The following ZDHHC11B variants were observed in gnomAD, a reference collection of about 807,000 sequenced individuals.
The protein encoded by ZDHHC11B is probable palmitoyltransferase ZDHHC11B.
In ZDHHC11B, 17 loss-of-function variants were observed where a neutral mutation model predicts 42.3. The ratio of observed to expected loss-of-function variants is 0.40; its 90% CI spans 0.27 to 0.60. ZDHHC11B has a LOEUF of 0.60. ZDHHC11B is among the 20% of genes least tolerant of loss of function. The probability of loss-of-function intolerance (pLI) is 0.41; values close to 1 mark genes in which losing one functional copy is unlikely to be tolerated. For missense variants in ZDHHC11B, 262 were observed against 463.2 expected, an observed-to-expected ratio of 0.57 and a Z score of 3.99; for synonymous variants, 123 against 193.5, an observed-to-expected ratio of 0.64 and a Z score of 3.02.
intron 1 of ZDHHC11B, among the ~76,000 whole-genome samples, chr5:784,368 C>T (rs569523987): frequency 6.6e-6 from 1 of 152,062 alleles, no homozygotes; most frequent in Non-Finnish European, 1.5e-5. Flanking sequence ...AAGGCCAAAG[C>T]GCCAGGCACA....
Position 759,945 on chromosome 5 carries a change from G to A in ZDHHC11B, c.223-3801C>T, listed in dbSNP as rs1340288847. ...GGCCCGAGGGGGTCGCTGAGGTGCA[G>A]GCATGGGGAGTGCAGCCGGGGATGC... is the stretch of plus-strand genomic sequence containing the variant. On this transcript the variant is annotated intron_variant, in intron 4 of 13. Transcript: ENST00000508859. Among the ~76,000 whole-genome samples, 3 of 151,930 alleles carry A rather than the reference G, an allele frequency of 2.0e-5. 1 individual carries two copies. Among genetic ancestry groups the A allele is most frequent in the Non-Finnish European group, 4.4e-5 (3 of 67,920 alleles).
chr5:745,800 G>A (rs903874695), intron 8 of ZDHHC11B, among the ~76,000 whole-genome samples: 8 of 149,878 alleles, frequency 5.3e-5, no homozygotes, highest in African/African-American at 1.2e-4. Context: ...CCCCACAGTC[G>A]GAGGACCACG....
In ZDHHC11B at chr5:769,613, G is replaced by A. The variant is rs545006453; in HGVS notation, c.-229-683C>T. On this transcript the variant is annotated intron_variant, in intron 1 of 13. Transcript: ENST00000508859. ...CTGCACGTTCCTCACGCGAGCCCGCGAGTGCGTTTCAAACCCAAGTGATCA... is the reference window on the plus strand; with the variant it reads ...CTGCACGTTCCTCACGCGAGCCCGCAAGTGCGTTTCAAACCCAAGTGATCA... 1.2e-4 allele frequency among the ~76,000 whole-genome samples: 18 copies of A among 151,896 alleles called. No individual in the cohort carries two copies. In the East Asian group the frequency reaches 1.9e-3, roughly 16 times the overall value.
intron 12 of ZDHHC11B, among the ~76,000 whole-genome samples, chr5:723,066 G>A (rs1184673429): frequency 6.7e-6 from 1 of 149,278 alleles, no homozygotes; most frequent in Non-Finnish European, 1.5e-5. Flanking sequence ...CGGGGTGCAA[G>A]GACTTGGAAT....
chr5:783,862 G>A (rs866396259), intron 1 of ZDHHC11B, among the ~76,000 whole-genome samples: 10 of 84,172 alleles, frequency 1.2e-4, no homozygotes, highest in South Asian at 4.4e-4. Flanking sequence ...AGCCCCCCAA[G>A]CCCCATCAAG....
chr5:765,749 C>A (rs1159289453), intron 4 of ZDHHC11B, among the ~76,000 whole-genome samples: 5 of 151,898 alleles, frequency 3.3e-5, no homozygotes, highest in Non-Finnish European at 2.9e-5. Flanking sequence ...ACCAGGGATA[C>A]CCCAAACCAC....
rs1741373816 is a variant in ZDHHC11B, at chr5:711,544, A to AACTGTGCTCTCATTTCCTAGC, written c.*725_*745dup. 4 of 83,112 alleles carry AACTGTGCTCTCATTTCCTAGC rather than the reference A, an allele frequency of 4.8e-5. No homozygotes were observed. Among genetic ancestry groups the AACTGTGCTCTCATTTCCTAGC allele is most frequent in the Non-Finnish European group, 7.4e-5 (3 of 40,546 alleles). 5.1% of individuals were successfully genotyped at this position (83,112 alleles called of 1,614,324 possible). A position where few individuals can be genotyped will look rare whatever the true frequency, so the allele number is the denominator to read the frequency against. On this transcript the variant is annotated 3_prime_UTR_variant, in exon 14 of 14. Transcript: ENST00000508859. ...CCAGTACTGTGCTCCCATTTCCCAAAACTGTGCTCTCATTTCCTAGCACTG... is the reference window on the plus strand; with the variant it reads ...CCAGTACTGTGCTCCCATTTCCCAAAACTGTGCTCTCATTTCCTAGCACTGTGCTCTCATTTCCTAGCACTG...
chr5:778,370 G>A (rs1265191109), intron 1 of ZDHHC11B, among the ~76,000 whole-genome samples: 17 of 151,010 alleles, frequency 1.1e-4, no homozygotes, highest in Non-Finnish European at 2.2e-4. Flanking sequence ...ACTCTCACGC[G>A]GGGCACACCA....
chr5:723,722 C>T (rs1273356339), intron 12 of ZDHHC11B, among the ~76,000 whole-genome samples: 1 of 113,486 alleles, frequency 8.8e-6, no homozygotes, highest in Non-Finnish European at 2.0e-5. Context: ...GGGTTAAGGG[C>T]CAGAGTGTGA....
intron 1 of ZDHHC11B, among the ~76,000 whole-genome samples, chr5:776,530 T>C (rs1365985612): frequency 1.3e-5 from 2 of 151,786 alleles, no homozygotes; most frequent in African/African-American, 2.4e-5. Flanking sequence ...CCACGCAGTG[T>C]GCTCCTGGCC....
chr5:733,711 G>A (rs768367956), intron 11 of ZDHHC11B, 41 bp downstream of exon 11: 61 of 1,559,352 alleles, frequency 3.9e-5, no homozygotes, highest in East Asian at 6.7e-5. Context: ...TTCTGCACAC[G>A]GCCCTGTCCT....
chr5:777,326 G>C (rs922059707), intron 1 of ZDHHC11B, among the ~76,000 whole-genome samples: 1 of 151,802 alleles, frequency 6.6e-6, no homozygotes, highest in Non-Finnish European at 1.5e-5. Flanking sequence ...AGTGGTGAGT[G>C]TTACTTACGC....
At chr5:771,455 G>A (rs1736031529) in intron 1 of ZDHHC11B, among the ~76,000 whole-genome samples, 1 of 151,218 alleles carries the variant, frequency 6.6e-6, no homozygotes, top group South Asian at 2.1e-4. Context: ...CATGGGGGCA[G>A]GGTCTCATGG....
In ZDHHC11B at chr5:778,288, T is replaced by C. The variant is rs373993557; in HGVS notation, c.-230+6380A>G. Among the ~76,000 whole-genome samples, 6 of 151,652 alleles carry C rather than the reference T, an allele frequency of 4.0e-5. No homozygotes were observed. The East Asian group carries it at 1.2e-3, about 29-fold the overall frequency. On this transcript the variant is annotated intron_variant, in intron 1 of 13. Transcript: ENST00000508859. Reference sequence around the variant, plus strand: ...CGGCTGGCTCATCCCATCAACCATGTCGGAGACTCGGCGGCTGCAGATGCG... The same window carrying C: ...CGGCTGGCTCATCCCATCAACCATGCCGGAGACTCGGCGGCTGCAGATGCG...
intron 9 of ZDHHC11B, among the ~76,000 whole-genome samples, chr5:742,913 A>G (rs1360340160): frequency 1.3e-5 from 2 of 149,326 alleles, no homozygotes; most frequent in African/African-American, 2.5e-5. Flanking sequence ...TGTCTCACTA[A>G]AGATCACAGA....
At chr5:762,121 A>T (rs1734709577) in intron 4 of ZDHHC11B, among the ~76,000 whole-genome samples, 1 of 150,382 alleles carries the variant, frequency 6.6e-6, no homozygotes. Context: ...AGTCACTCCC[A>T]GCCCCAGACG....
chr5:774,222 A>C (rs1736281159), intron 1 of ZDHHC11B, among the ~76,000 whole-genome samples: 1 of 152,074 alleles, frequency 6.6e-6, no homozygotes, highest in Non-Finnish European at 1.5e-5. Flanking sequence ...ATGCCTTCAG[A>C]CTGGACACTG....
At chr5:749,911 C>T (rs2127082713) in intron 7 of ZDHHC11B, among the ~76,000 whole-genome samples, 1 of 123,160 alleles carries the variant, frequency 8.1e-6, no homozygotes, top group Non-Finnish European at 1.7e-5. Context: ...AGCTGGCTTT[C>T]AGGAAGTGCT....
At chr5:717,351 A>G (rs1189105760) in intron 12 of ZDHHC11B, among the ~76,000 whole-genome samples, 1 of 151,730 alleles carries the variant, frequency 6.6e-6, no homozygotes, top group East Asian at 1.9e-4. Context: ...CAGCCAGCCA[A>G]TGACTTGATT....
Sources: gnomAD v4.1 joint callset for allele counts (sites outside exome capture counted in the v4.1 genomes callset) on GRCh38, gnomAD v4.1.1 for gene constraint, MANE v1.5 for transcripts, NCBI Gene and HGNC (gene_info 2026-07-23, HGNC 2026-07-21) for gene names.